Variants in MAP3K5 observed in about 807,000 individuals in gnomAD.
MAP3K5 encodes ASK-1.
In MAP3K5, 56 loss-of-function variants were observed where a neutral mutation model predicts 158.7. That is an observed-to-expected ratio of 0.35 (90% CI 0.28 to 0.44). MAP3K5 has a LOEUF of 0.44. MAP3K5 is among the 20% of genes least tolerant of loss of function. MAP3K5 has a pLI of 1.00. For synonymous variants in MAP3K5, 579 were observed against 601.7 expected, an observed-to-expected ratio of 0.96 and a Z score of 0.55; for missense variants, 1,294 against 1,674.8, an observed-to-expected ratio of 0.77 and a Z score of 3.97.
chr6:136,695,724 A>C (rs530302219), intron 6 of MAP3K5, among the ~76,000 whole-genome samples: 1 of 152,370 alleles, frequency 6.6e-6, no homozygotes, highest in Admixed American at 6.5e-5. Context: ...AAAACCTGTA[A>C]GAATTTAAAT....
intron 1 of MAP3K5, among the ~76,000 whole-genome samples, chr6:136,736,535 A>G (rs772898981): frequency 1.2e-4 from 19 of 152,222 alleles, no homozygotes; most frequent in Non-Finnish European, 2.5e-4. Flanking sequence ...GAGGAAATGA[A>G]TAAGATTAAA....
At chr6:136,576,441 A>G (rs1774620536) in intron 25 of MAP3K5, among the ~76,000 whole-genome samples, 1 of 152,028 alleles carries the variant, frequency 6.6e-6, no homozygotes, top group South Asian at 2.1e-4. Context: ...CCTCCCAAGT[A>G]GCTATGGGCA....
chr6:136,636,319 T>C (rs1777633074), intron 14 of MAP3K5, among the ~76,000 whole-genome samples: 1 of 152,088 alleles, frequency 6.6e-6, no homozygotes, highest in South Asian at 2.1e-4. Context: ...AGACACTGAA[T>C]CTACCAGCAC....
At chr6:136,632,967 T>C (rs1468431343) in intron 14 of MAP3K5, among the ~76,000 whole-genome samples, 1 of 152,192 alleles carries the variant, frequency 6.6e-6, no homozygotes, top group Non-Finnish European at 1.5e-5. Context: ...TCAAAAGAAA[T>C]TGATTTTCTT....
intron 23 of MAP3K5, among the ~76,000 whole-genome samples, chr6:136,586,500 A>C (rs971227427): frequency 3.3e-5 from 5 of 152,058 alleles, no homozygotes; most frequent in Admixed American, 1.3e-4. Context: ...TTCTGTTCTG[A>C]CTCCAGTCTC....
chr6:136,663,606 CTTTTTTT>C (rs145415185), intron 8 of MAP3K5, among the ~76,000 whole-genome samples: 2 of 121,472 alleles, frequency 1.6e-5, no homozygotes, highest in Non-Finnish European at 3.3e-5. Flanking sequence ...AAATTTCTCA[CTTTTTTT>C]TTTTTTTTTT....
intron 14 of MAP3K5, among the ~76,000 whole-genome samples, chr6:136,627,638 G>A (rs752865623): frequency 3.3e-5 from 5 of 152,178 alleles, no homozygotes; most frequent in Non-Finnish European, 7.3e-5. Flanking sequence ...AAAGAGGCTT[G>A]AAGGAGCCTG....
chr6:136,740,504 A>T (rs935311613), intron 1 of MAP3K5, among the ~76,000 whole-genome samples: 1 of 152,210 alleles, frequency 6.6e-6, no homozygotes, highest in Non-Finnish European at 1.5e-5. Flanking sequence ...CTGGACTAAA[A>T]GTCCCAAATA....
chr6:136,677,139 T>A (rs1348120721), intron 7 of MAP3K5, among the ~76,000 whole-genome samples: 3 of 144,006 alleles, frequency 2.1e-5, no homozygotes, highest in Non-Finnish European at 4.6e-5. Flanking sequence ...TCCATTTTTT[T>A]TTTTTTTTTT....
intron 13 of MAP3K5, among the ~76,000 whole-genome samples, chr6:136,637,805 C>T (rs1257597468): frequency 3.3e-5 from 5 of 152,096 alleles, no homozygotes; most frequent in Non-Finnish European, 5.9e-5. Flanking sequence ...GCACTGTGAA[C>T]GTGGGCTGAT....
chr6:136,772,674 A>C (rs762458327), intron 1 of MAP3K5, among the ~76,000 whole-genome samples: 42 of 152,200 alleles, frequency 2.8e-4, no homozygotes, highest in African/African-American at 9.4e-4. Flanking sequence ...AAAAATGTTA[A>C]CTGTTTCCAC....
chr6:136,659,233 C>T lies in MAP3K5; in HGVS notation c.1512G>A (p.Leu504=), dbSNP rs1450314983. 3.1e-6 allele frequency: 5 copies of T among 1,613,806 alleles called. No individual in the cohort carries two copies. Among genetic ancestry groups the T allele is most frequent in the Middle Eastern group, 1.6e-4 (1 of 6,078 alleles). ...VIQASEKLFK[L]KTPAWYLKSI... ...CTAATTATTACCATGCTGGTGTCTT[C>T]AGTTTAAAAAGCTTTTCAGATGCTT... Residue 504 remains leucine, a synonymous_variant, in exon 9 of 30, where the codon CTG becomes CTA. Coordinates refer to ENST00000359015, the MANE Select transcript of MAP3K5 (RefSeq NM_005923.4).
At chr6:136,711,221 C>A (rs1371224916) in intron 2 of MAP3K5, among the ~76,000 whole-genome samples, 1 of 151,948 alleles carries the variant, frequency 6.6e-6, no homozygotes, top group Non-Finnish European at 1.5e-5. Context: ...GAAAATCATC[C>A]TTTTGCAGAA....
chr6:136,580,186 TA>T, intron 25 of MAP3K5, 114 bp downstream of exon 25: 2 of 689,022 alleles, frequency 2.9e-6, no homozygotes, highest in Non-Finnish European at 5.0e-6. Context: ...AATATTTCTT[TA>T]AAAAAGGGTA....
rs116846027 is a variant in MAP3K5, at chr6:136,752,103, T to C, written c.449-31514A>G. On this transcript the variant is annotated intron_variant, in intron 1 of 29. Transcript: ENST00000359015. ...TCATTCCTACTTCCATCCCTCCTTC[T>C]CCCGTTCCCTCTCTCCCTCATTCAT... is the stretch of plus-strand genomic sequence containing the variant. 2.3e-3 allele frequency among the ~76,000 whole-genome samples: 351 copies of C among 152,294 alleles called. 9 individuals carry two copies. In the South Asian group the frequency reaches 0.033, roughly 14 times the overall value.
chr6:136,792,473 G>T lies in MAP3K5; in HGVS notation c.-316C>A. 1 of 803,482 alleles carries T rather than the reference G, an allele frequency of 1.2e-6. No homozygotes were observed. Among genetic ancestry groups the T allele is most frequent in the Non-Finnish European group, 1.5e-6 (1 of 664,686 alleles). 49.8% of individuals were successfully genotyped at this position (803,482 alleles called of 1,614,324 possible). A position where few individuals can be genotyped will look rare whatever the true frequency, so the allele number is the denominator to read the frequency against. On this transcript the variant is annotated 5_prime_UTR_variant, in exon 1 of 30. Coordinates refer to ENST00000359015, the MANE Select transcript of MAP3K5 (RefSeq NM_005923.4). This position sits in a 1 kb window ranked among gnomAD's most constrained non-coding sequence, Gnocchi z 5.7. The stretch of plus-strand genomic sequence containing the variant: ...CCTTTTCTTGGCCGGCTGACAAGTC[G>T]GCTCGCAAACCTGCGCCGCGGTGCA...
chr6:136,561,603 G>T lies in MAP3K5; in HGVS notation c.3917C>A (p.Thr1306Lys), dbSNP rs1338330183. 2 of 1,613,452 alleles carry T rather than the reference G, an allele frequency of 1.2e-6. No individual in the cohort carries two copies. Among genetic ancestry groups the T allele is most frequent in the Non-Finnish European group, 1.7e-6 (2 of 1,179,510 alleles). The change falls in exon 28 of 30, where the codon ACA (threonine) becomes AAA (lysine). Residue 1306 changes from threonine (T) to lysine (K), a missense_variant. Thr to Lys is a moderately conservative substitution (Grantham distance 78). This residue lies in a region of MAP3K5 where 199 missense variants were observed against 220.3 expected (regional missense o/e 0.90). Coordinates refer to ENST00000359015, the MANE Select transcript of MAP3K5 (RefSeq NM_005923.4). ...GGTAAGTTCAGAATCTTCAGTATTTGTGCCAGAAGAATTTAGATGAAATAC... is the reference window on the plus strand; with the variant it reads ...GGTAAGTTCAGAATCTTCAGTATTTTTGCCAGAAGAATTTAGATGAAATAC... ...LPVFHLNSSG[T>K]NTEDSELTDW...
Position 136,628,046 on chromosome 6 carries a change from A to G in MAP3K5, c.2017-5065T>C, listed in dbSNP as rs1378912170. 2.0e-5 allele frequency among the ~76,000 whole-genome samples: 3 copies of G among 152,202 alleles called. No individual in the cohort carries two copies. The East Asian group carries it at 5.8e-4, about 29-fold the overall frequency. The stretch of plus-strand genomic sequence containing the variant: ...TTTTTTAGAAAAGAACTAGATCCCA[A>G]AACAAAACATTTAGAGTCATTATTG... On this transcript the variant is annotated intron_variant, in intron 14 of 29. Coordinates refer to ENST00000359015, the MANE Select transcript of MAP3K5 (RefSeq NM_005923.4).
chr6:136,654,416 T>G (rs1167827193), intron 10 of MAP3K5, among the ~76,000 whole-genome samples: 2 of 152,180 alleles, frequency 1.3e-5, no homozygotes, highest in African/African-American at 4.8e-5. Flanking sequence ...ATATAAATTT[T>G]TTATTCTTCT....
Sources: allele counts gnomAD v4.1 joint callset (sites outside exome capture counted in the v4.1 genomes callset), GRCh38; gene constraint gnomAD v4.1.1; regional missense constraint gnomAD v4.1.1; non-coding constraint Gnocchi (gnomAD v3.1); transcripts MANE v1.5; gene names NCBI Gene and HGNC (gene_info 2026-07-23, HGNC 2026-07-21).